The following ITGA2 variants were observed in gnomAD, a reference collection of about 807,000 sequenced individuals.
The protein encoded by ITGA2 is integrin alpha-2.
In ITGA2, 101 loss-of-function variants were observed where a neutral mutation model predicts 146.3. The observed-to-expected ratio is 0.69, with a 90% CI of 0.59 to 0.81. ITGA2 has a LOEUF of 0.81. Ranked by LOEUF, ITGA2 falls within the 40% of genes least tolerant of loss-of-function variation. The pLI is 0.00. For synonymous variants in ITGA2, 477 were observed against 487.1 expected, an observed-to-expected ratio of 0.98 and a Z score of 0.27; for missense variants, 1,281 against 1,402.7, an observed-to-expected ratio of 0.91 and a Z score of 1.39.
At chr5:53,015,596 T>C (rs1003908492) in intron 1 of ITGA2, among the ~76,000 whole-genome samples, 2 of 152,166 alleles carry the variant, frequency 1.3e-5, no homozygotes, top group South Asian at 2.1e-4. Context: ...TTCTTAGATG[T>C]CTATTAGGTC....
chr5:53,080,180 T>C (rs1468773817), intron 24 of ITGA2, among the ~76,000 whole-genome samples: 2 of 152,142 alleles, frequency 1.3e-5, no homozygotes, highest in African/African-American at 4.8e-5. Context: ...CCATTAACAT[T>C]GTAGATGTTG....
In ITGA2 at chr5:53,026,830, C is replaced by T; in HGVS notation, c.147C>T (p.Gly49=). The T allele has an allele frequency of 6.2e-7, 1 of 1,613,382 alleles. No homozygotes were observed. Residue 49 remains glycine (G), a synonymous_variant, in exon 2 of 30, where the codon GGC becomes GGT. Transcript: ENST00000296585. The part of the protein sequence containing the change: ...IFSGPSSEQF[G]YAVQQFINPK... ...CCGGTCCTTCAAGTGAACAGTTTGG[C>T]TATGCAGTGCAGCAGTTTATAAATC... is the stretch of plus-strand genomic sequence containing the variant.
chr5:53,061,681 G>T (rs1744910763), intron 12 of ITGA2, among the ~76,000 whole-genome samples: 2 of 151,956 alleles, frequency 1.3e-5, no homozygotes, highest in African/African-American at 4.8e-5. Flanking sequence ...GCAAAGGCCA[G>T]CTGATTGCTT....
chr5:53,005,219 G>A (rs1037965718), intron 1 of ITGA2, among the ~76,000 whole-genome samples: 11 of 151,996 alleles, frequency 7.2e-5, no homozygotes, highest in East Asian at 1.9e-4. Flanking sequence ...CTTTTGTGGT[G>A]TGCTTCTCGT....
At chr5:53,034,424 T>G (rs967967507) in intron 2 of ITGA2, among the ~76,000 whole-genome samples, 1 of 151,798 alleles carries the variant, frequency 6.6e-6, no homozygotes, top group African/African-American at 2.4e-5. Context: ...AAAAAAAATC[T>G]ATAGTAGGAA....
intron 5 of ITGA2, 36 bp downstream of exon 5, chr5:53,048,513 C>G (rs1030227843): frequency 6.2e-7 from 1 of 1,609,670 alleles, no homozygotes; most frequent in Non-Finnish European, 8.5e-7. Flanking sequence ...TGAGCAATGC[C>G]TTACAGTTAA....
chr5:53,065,869 G>A lies in ITGA2; in HGVS notation c.1835G>A (p.Arg612Lys). The part of the protein sequence containing the change: ...QKILGSDGAF[R>K]SHLQYFGRSL... Reference sequence around the variant, plus strand: ...ATCTTGGGATCCGATGGAGCCTTTAGGAGCCATCTCCAGTACTTTGGGAGG... The same window carrying A: ...ATCTTGGGATCCGATGGAGCCTTTAAGAGCCATCTCCAGTACTTTGGGAGG... The change falls in exon 15 of 30, where the codon AGG (arginine) becomes AAG (lysine). Residue 612 changes from arginine to lysine, a missense_variant. Transcript: ENST00000296585. 6.2e-7 allele frequency: 1 copy of A among 1,611,984 alleles called. No individual in the cohort carries two copies. The highest frequency in any genetic ancestry group is 8.5e-7 in the Non-Finnish European group (1 of 1,178,686).
chr5:53,056,242 T>C (rs989153891), intron 9 of ITGA2, 93 bp downstream of exon 9: 10 of 1,101,866 alleles, frequency 9.1e-6, no homozygotes, highest in Non-Finnish European at 1.2e-5. Context: ...TTAACTTGTA[T>C]ACCATGTATA....
chr5:53,009,315 T>C (rs955986667), intron 1 of ITGA2, among the ~76,000 whole-genome samples: 4 of 151,912 alleles, frequency 2.6e-5, no homozygotes, highest in Non-Finnish European at 5.9e-5. Flanking sequence ...GGAAAGAGGG[T>C]TTCTGTAGAT....
Position 53,090,642 on chromosome 5 carries a change from C to G in ITGA2, c.*43C>G, listed in dbSNP as rs199705548. ...CAGTGGGAACCGGCAGCATCCCAGC[C>G]AGGGTTTGCTGTTTGCGTGAATGGA... On this transcript the variant is annotated 3_prime_UTR_variant, in exon 30 of 30. Transcript: ENST00000296585. 1 of 1,501,206 alleles carries G rather than the reference C, an allele frequency of 6.7e-7. No homozygotes were observed. The highest frequency in any genetic ancestry group is 2.3e-5 in the East Asian group (1 of 44,206). 93.0% of individuals were successfully genotyped at this position (1,501,206 alleles called of 1,614,324 possible).
At chr5:53,005,837 C>G (rs1377085091) in intron 1 of ITGA2, among the ~76,000 whole-genome samples, 2 of 152,106 alleles carry the variant, frequency 1.3e-5, no homozygotes, top group Admixed American at 1.3e-4. Flanking sequence ...GGAACTTGCT[C>G]AAGGTCACAG....
At chr5:53,022,731 T>A (rs943918023) in intron 1 of ITGA2, among the ~76,000 whole-genome samples, 3 of 152,138 alleles carry the variant, frequency 2.0e-5, no homozygotes, top group Non-Finnish European at 2.9e-5. Context: ...CATGCCCACC[T>A]AATTGTCTAT....
chr5:53,071,960 CTT>C lies in ITGA2; in HGVS notation c.2260_2261del (p.Leu754GlyfsTer14). ...TAGGAGCCCTCTGATGTTGTCAACT[CTT>C]TGGATTTGCGTGTGGACATCAGTCT... On this transcript the variant is annotated frameshift_variant, in exon 18 of 30. Transcript: ENST00000296585. LOFTEE classifies it high-confidence loss of function. The C allele has an allele frequency of 6.2e-7, 1 of 1,612,292 alleles. No individual in the cohort carries two copies. Among genetic ancestry groups the C allele is most frequent in the Non-Finnish European group, 8.5e-7 (1 of 1,178,858 alleles).
Position 53,073,208 on chromosome 5 carries a change from A to G in ITGA2, c.2520A>G (p.Gly840=). 1 of 1,612,342 alleles carries G rather than the reference A, an allele frequency of 6.2e-7. No homozygotes were observed. Among genetic ancestry groups the G allele is most frequent in the Non-Finnish European group, 8.5e-7 (1 of 1,178,780 alleles). ...AAAGGGAAAGTGCATACAACACTGG[A>G]ATTGTTGTTGATTTTTCAGAAAACT... ...KNKRESAYNT[G]IVVDFSENLF... Residue 840 remains glycine (G), a synonymous_variant, in exon 20 of 30, where the codon GGA becomes GGG. Coordinates refer to ENST00000296585, the MANE Select transcript of ITGA2 (RefSeq NM_002203.4).
intron 3 of ITGA2, among the ~76,000 whole-genome samples, 175 bp from the exon 4 acceptor site, chr5:53,044,826 C>T (rs1743995810): frequency 6.6e-6 from 1 of 152,170 alleles, no homozygotes; most frequent in Non-Finnish European, 1.5e-5. Flanking sequence ...ATGTGCGTTA[C>T]CAGATCACTG....
chr5:52,993,081 A>G (rs1741055098), intron 1 of ITGA2, among the ~76,000 whole-genome samples: 2 of 152,162 alleles, frequency 1.3e-5, no homozygotes, highest in African/African-American at 2.4e-5. Context: ...GCAACTGACC[A>G]TTATCCAATG....
intron 11 of ITGA2, 140 bp from the exon 12 acceptor site, chr5:53,060,761 T>C (rs1351675226): frequency 1.3e-6 from 1 of 793,066 alleles, no homozygotes; most frequent in East Asian, 2.5e-5. Flanking sequence ...AGACATGTCC[T>C]CAGTGATGTA....
Position 53,093,776 on chromosome 5 carries a change from GTC to G in ITGA2, c.*3179_*3180del, listed in dbSNP as rs1561166707. ...ATTTCATAAATGGTGTACAGACAAG[GTC>G]TATAGAATGTGGTAAAAACTTGACT... On this transcript the variant is annotated 3_prime_UTR_variant, in exon 30 of 30. Coordinates refer to ENST00000296585, the MANE Select transcript of ITGA2 (RefSeq NM_002203.4). 4 of 152,542 alleles carry G rather than the reference GTC, an allele frequency of 2.6e-5. No individual in the cohort carries two copies. The highest frequency in any genetic ancestry group is 9.7e-5 in the African/African-American group (4 of 41,422). The allele number at this position is 152,542 out of a possible 1,614,324, so 9.4% of individuals were successfully genotyped here.
At chr5:53,030,193 A>G (rs1225388020) in intron 2 of ITGA2, among the ~76,000 whole-genome samples, 2 of 152,228 alleles carry the variant, frequency 1.3e-5, no homozygotes, top group East Asian at 1.9e-4. Flanking sequence ...TTCTCTGTCC[A>G]GGATTACCTC....
Sources: allele counts gnomAD v4.1 joint callset (sites outside exome capture counted in the v4.1 genomes callset), GRCh38; gene constraint gnomAD v4.1.1; transcripts MANE v1.5; gene names NCBI Gene and HGNC (gene_info 2026-07-23, HGNC 2026-07-21).